Variants in CTNND2 observed in about 807,000 individuals in gnomAD.
The protein encoded by CTNND2 is catenin delta 2, also known as catenin delta-2.
In CTNND2, 22 loss-of-function variants were observed where a neutral mutation model predicts 144.4. That is an observed-to-expected ratio of 0.15 (90% confidence interval 0.11 to 0.22). The LOEUF (loss-of-function observed/expected upper bound fraction) is 0.22. CTNND2 is among the 10% of genes least tolerant of loss of function. The probability of loss-of-function intolerance (pLI) is 1.00; values close to 1 mark genes in which losing one functional copy is unlikely to be tolerated. For missense variants in CTNND2, 1,353 were observed against 1,618.8 expected (o/e 0.84, Z 2.82); for synonymous variants, 751 against 695.6 (o/e 1.08, Z -1.25).
At chr5:11,167,575 C>T (rs543109503) in intron 11 of CTNND2, among the ~76,000 whole-genome samples, 59 of 152,160 alleles carry the variant, frequency 3.9e-4, no homozygotes, top group Non-Finnish European at 6.9e-4. Context: ...CTGTCTTGTT[C>T]GAAGCCAAAA....
chr5:11,651,803 C>T (rs1263048048), intron 2 of CTNND2, among the ~76,000 whole-genome samples: 1 of 152,174 alleles, frequency 6.6e-6, no homozygotes, highest in African/African-American at 2.4e-5. Flanking sequence ...CTGATTTCTC[C>T]CTTTTGGAAT....
intron 3 of CTNND2, among the ~76,000 whole-genome samples, chr5:11,488,792 A>T (rs956346221): frequency 2.0e-5 from 3 of 152,170 alleles, no homozygotes; most frequent in African/African-American, 7.2e-5. Flanking sequence ...GGAGAATGCC[A>T]TACTAATAAA....
At chr5:11,355,033 TTCC>T (rs1755716559) in intron 8 of CTNND2, among the ~76,000 whole-genome samples, 1 of 152,116 alleles carries the variant, frequency 6.6e-6, no homozygotes, top group Non-Finnish European at 1.5e-5. Flanking sequence ...AATTAAAAAT[TTCC>T]TTGTGACAAA....
chr5:11,763,526 T>A (rs988979188), intron 1 of CTNND2, among the ~76,000 whole-genome samples: 10 of 152,220 alleles, frequency 6.6e-5, no homozygotes, highest in Admixed American at 6.5e-5. Context: ...AGAGAAACTC[T>A]TGTAGAAGAA....
chr5:11,236,829 C>T lies in CTNND2; in HGVS notation c.1629-6G>A. 6.2e-7 allele frequency: 1 copy of T among 1,613,984 alleles called. No individual in the cohort carries two copies. The highest frequency in any genetic ancestry group is 8.5e-7 in the Non-Finnish European group (1 of 1,179,956). On this transcript the variant is annotated splice_polypyrimidine_tract_variant and splice_region_variant and intron_variant, in intron 9 of 21. Coordinates refer to ENST00000304623, the MANE Select transcript of CTNND2 (RefSeq NM_001332.4). ...GGTCTCTCCATCCAAATTCTCTGAA[C>T]AAAAGGAAAGAAGCGGGGAGAATAT...
rs1561596539 is a variant in CTNND2 at position 11,589,319 on chromosome 5, A to ACACACG, written c.175-24264_175-24263insCGTGTG. On this transcript the variant is annotated intron_variant, in intron 2 of 21. Coordinates refer to ENST00000304623, the MANE Select transcript of CTNND2 (RefSeq NM_001332.4). ...CACACACACACACACACACGACAAC[A>ACACACG]ACAACAACAAAAAAACACATCATGA... Among the ~76,000 whole-genome samples the ACACACG allele has an allele frequency of 8.0e-3, 1,207 of 150,428 alleles. 12 individuals carry two copies. Among genetic ancestry groups the ACACACG allele is most frequent in the African/African-American group, 0.028 (1,121 of 40,434 alleles).
At chr5:11,846,776 C>T (rs1019781400) in intron 1 of CTNND2, among the ~76,000 whole-genome samples, 9 of 151,704 alleles carry the variant, frequency 5.9e-5, no homozygotes, top group African/African-American at 7.2e-5. Flanking sequence ...GATTTTAAAA[C>T]GGGCAAAAGA....
intron 10 of CTNND2, among the ~76,000 whole-genome samples, chr5:11,204,920 A>C (rs1737885980): frequency 6.6e-6 from 1 of 152,128 alleles, no homozygotes; most frequent in Non-Finnish European, 1.5e-5. Context: ...CCTGCTCTGC[A>C]TTTGCAAAAG....
At chr5:11,795,942 G>C (rs536377182) in intron 1 of CTNND2, among the ~76,000 whole-genome samples, 2 of 152,218 alleles carry the variant, frequency 1.3e-5, no homozygotes, top group African/African-American at 4.8e-5. Context: ...TTCTTTCCTG[G>C]ATGATCTGGC....
intron 3 of CTNND2, among the ~76,000 whole-genome samples, chr5:11,482,759 A>G (rs1351510543): frequency 6.6e-6 from 1 of 152,042 alleles, no homozygotes; most frequent in Non-Finnish European, 1.5e-5. Context: ...GAACCAGGAG[A>G]CTGTTGTAGC....
chr5:11,092,834 C>A (rs1307535416), intron 15 of CTNND2, among the ~76,000 whole-genome samples: 3 of 152,144 alleles, frequency 2.0e-5, no homozygotes, highest in Non-Finnish European at 4.4e-5. Flanking sequence ...GACAATAAAC[C>A]ATGATTCTTA....
chr5:11,803,696 G>A (rs574334316), intron 1 of CTNND2, among the ~76,000 whole-genome samples: 3 of 152,242 alleles, frequency 2.0e-5, no homozygotes, highest in East Asian at 1.9e-4. Flanking sequence ...ACTGTGAGAC[G>A]AGTTCACTTC....
intron 2 of CTNND2, among the ~76,000 whole-genome samples, chr5:11,679,447 GC>G (rs1784330525): frequency 6.6e-6 from 1 of 152,080 alleles, no homozygotes; most frequent in Non-Finnish European, 1.5e-5. Flanking sequence ...CCATCTTTAG[GC>G]CCGTTATGCT....
intron 1 of CTNND2, among the ~76,000 whole-genome samples, chr5:11,862,458 A>C (rs1452010979): frequency 2.0e-5 from 3 of 152,198 alleles, no homozygotes; most frequent in African/African-American, 7.2e-5. Flanking sequence ...GGTTTTGAAA[A>C]AATTTATTCC....
intron 9 of CTNND2, among the ~76,000 whole-genome samples, chr5:11,327,553 C>G (rs532974067): frequency 6.6e-6 from 1 of 152,272 alleles, no homozygotes; most frequent in Admixed American, 6.5e-5. Context: ...ATCCAGACTT[C>G]TGATCAAATA....
At chr5:11,881,251 T>TA (rs1286309573) in intron 1 of CTNND2, among the ~76,000 whole-genome samples, 2 of 151,898 alleles carry the variant, frequency 1.3e-5, no homozygotes, top group Non-Finnish European at 2.9e-5. Flanking sequence ...CAAATTAGAG[T>TA]AACTGGCATG....
At chr5:11,900,845 T>G (rs966585737) in intron 1 of CTNND2, among the ~76,000 whole-genome samples, 1 of 152,204 alleles carries the variant, frequency 6.6e-6, no homozygotes, top group African/African-American at 2.4e-5. Context: ...TTTTGTTCAT[T>G]GTCTGAATTA....
At chr5:11,068,881 C>T (rs533968491) in intron 16 of CTNND2, among the ~76,000 whole-genome samples, 1 of 152,344 alleles carries the variant, frequency 6.6e-6, no homozygotes, top group Middle Eastern at 3.4e-3. Flanking sequence ...CGCACCACTG[C>T]ACTCCAGCCT....
intron 1 of CTNND2, among the ~76,000 whole-genome samples, chr5:11,744,348 G>C (rs1788184477): frequency 6.6e-6 from 1 of 152,200 alleles, no homozygotes; most frequent in Non-Finnish European, 1.5e-5. Flanking sequence ...GTGAAGCAAG[G>C]AAGATGCGCG....
Sources: gnomAD v4.1 joint callset for allele counts (sites outside exome capture counted in the v4.1 genomes callset) on GRCh38, gnomAD v4.1.1 for gene constraint, MANE v1.5 for transcripts, NCBI Gene and HGNC (gene_info 2026-07-23, HGNC 2026-07-21) for gene names.